Variants in HNF4G observed in about 807,000 individuals in gnomAD.
The protein encoded by HNF4G is hepatocyte nuclear factor 4-gamma.
In HNF4G, 21 loss-of-function variants were observed where a neutral mutation model predicts 50.9. The ratio of observed to expected loss-of-function variants is 0.41; its 90% CI spans 0.29 to 0.59. The LOEUF is 0.59. Ranked by LOEUF, HNF4G falls within the 20% of genes least tolerant of loss-of-function variation. The probability of loss-of-function intolerance (pLI) is 0.26; values close to 1 mark genes in which losing one functional copy is unlikely to be tolerated. For missense variants in HNF4G, 527 were observed against 559.4 expected (o/e 0.94, Z 0.58); for synonymous variants, 198 against 185.6 (o/e 1.07, Z -0.54).
chr8:75,421,551 G>T (rs187783141), intron 1 of HNF4G, among the ~76,000 whole-genome samples: 1 of 152,188 alleles, frequency 6.6e-6, no homozygotes, highest in East Asian at 1.9e-4. Flanking sequence ...GTTGACAGGG[G>T]TTAGTTTACA....
Position 75,449,750 on chromosome 8 carries a change from G to GC in HNF4G, c.-143-40333dup, listed in dbSNP as rs375764237. ...TCTCGATCTCCTGACCTCGTGATCC[G>GC]CCCCCCTTGGCCTCCCAAAGTGCTG... On this transcript the variant is annotated intron_variant, in intron 1 of 10. Coordinates refer to the HNF4G transcript ENST00000354370. Among the ~76,000 whole-genome samples the GC allele has an allele frequency of 7.1e-3, 1,080 of 151,828 alleles. 14 individuals are homozygous for GC. The highest frequency in any genetic ancestry group is 0.025 in the African/African-American group (1,028 of 41,416).
At chr8:75,553,969 T>C (rs143358680) in intron 5 of HNF4G, among the ~76,000 whole-genome samples, 6 of 152,276 alleles carry the variant, frequency 3.9e-5, no homozygotes, top group African/African-American at 1.2e-4. Flanking sequence ...AAGTAGGGTA[T>C]AATTTTTTGT....
intron 2 of HNF4G, among the ~76,000 whole-genome samples, chr8:75,523,088 G>A (rs892755672): frequency 3.3e-5 from 5 of 152,076 alleles, no homozygotes; most frequent in African/African-American, 1.2e-4. Flanking sequence ...AGCCGAGCTT[G>A]GTGGCGGGCA....
At chr8:75,548,761 A>C (rs1264816660) in intron 3 of HNF4G, among the ~76,000 whole-genome samples, 1 of 152,196 alleles carries the variant, frequency 6.6e-6, no homozygotes, top group Non-Finnish European at 1.5e-5. Flanking sequence ...AATCAAATGA[A>C]ACCACTATAC....
chr8:75,560,383 A>G lies in HNF4G; in HGVS notation c.1163A>G (p.His388Arg). 3 of 1,613,388 alleles carry G rather than the reference A, an allele frequency of 1.9e-6. No homozygotes were observed. The highest frequency in any genetic ancestry group is 1.7e-6 in the Non-Finnish European group (2 of 1,179,466). ...NDGSHLHHPM[H>R]PHLSQDPLTG... ...GGCAGTCATCTCCATCATCCAATGCATCCACATTTGTCTCAAGACCCATTA... is the reference window on the plus strand; with the variant it reads ...GGCAGTCATCTCCATCATCCAATGCGTCCACATTTGTCTCAAGACCCATTA... Residue 388 changes from histidine to arginine, a missense_variant, in exon 9 of 10, where the codon CAT (histidine) becomes CGT (arginine). By Grantham distance (29) the His-to-Arg change is conservative (BLOSUM62 0). Transcript: ENST00000396423.
At chr8:75,561,525 C>G (rs1807311475) in intron 9 of HNF4G, among the ~76,000 whole-genome samples, 1 of 152,112 alleles carries the variant, frequency 6.6e-6, no homozygotes, top group Non-Finnish European at 1.5e-5. Context: ...GTTTTCCATG[C>G]CTGAACTGAA....
At chr8:75,503,877 C>T (rs2926589) in intron 2 of HNF4G, among the ~76,000 whole-genome samples, 6,116 of 152,070 alleles carry the variant, frequency 0.04, 157 homozygotes, top group Middle Eastern at 0.068. Flanking sequence ...AGAGGAAGTT[C>T]CAGGTAATCT....
upstream of HNF4G, among the ~76,000 whole-genome samples, chr8:75,537,823 T>G (rs1185781744): frequency 1.3e-5 from 2 of 152,090 alleles, no homozygotes; most frequent in African/African-American, 4.8e-5. Context: ...GTCTTGGTTT[T>G]ACAAACAGTA....
chr8:75,526,214 A>C (rs1585922752), intron 2 of HNF4G, among the ~76,000 whole-genome samples: 1 of 151,330 alleles, frequency 6.6e-6, no homozygotes, highest in South Asian at 2.1e-4. Context: ...CTGAAACCTC[A>C]ATCTCCCAGG....
intron 2 of HNF4G, among the ~76,000 whole-genome samples, chr8:75,501,895 C>G (rs1177118135): frequency 8.3e-6 from 1 of 120,554 alleles, no homozygotes; most frequent in African/African-American, 3.9e-5. Flanking sequence ...CTTTGTTGCC[C>G]AGGCTGGAGT....
chr8:75,424,409 CA>C (rs1201651268), intron 1 of HNF4G, among the ~76,000 whole-genome samples: 1 of 151,716 alleles, frequency 6.6e-6, no homozygotes, highest in African/African-American at 2.4e-5. Context: ...ATTTTTGATT[CA>C]GGGGCCACAT....
intron 1 of HNF4G, among the ~76,000 whole-genome samples, chr8:75,460,653 T>C (rs1330156357): frequency 6.6e-6 from 1 of 152,168 alleles, no homozygotes; most frequent in African/African-American, 2.4e-5. Context: ...AGTATTTACT[T>C]AGGTTCTATT....
At chr8:75,561,323 C>A (rs1807305281) in intron 9 of HNF4G, among the ~76,000 whole-genome samples, 1 of 152,176 alleles carries the variant, frequency 6.6e-6, no homozygotes, top group South Asian at 2.1e-4. Context: ...GCAACATTCC[C>A]ATGGTCAGCT....
intron 1 of HNF4G, among the ~76,000 whole-genome samples, chr8:75,480,816 T>C (rs1049525936): frequency 6.6e-6 from 1 of 151,454 alleles, no homozygotes; most frequent in East Asian, 1.9e-4. Context: ...GTTCAAGTGA[T>C]TCTCTTGCCT....
chr8:75,441,114 C>A (rs568929548), intron 1 of HNF4G, among the ~76,000 whole-genome samples: 1 of 151,984 alleles, frequency 6.6e-6, no homozygotes, highest in Non-Finnish European at 1.5e-5. Flanking sequence ...AAAAATATTG[C>A]GTGGTTCTAT....
At chr8:75,491,235 G>A (rs983067682) in intron 2 of HNF4G, among the ~76,000 whole-genome samples, 1 of 152,048 alleles carries the variant, frequency 6.6e-6, no homozygotes, top group African/African-American at 2.4e-5. Flanking sequence ...GTTAGAACGG[G>A]CATATATTAG....
intron 1 of HNF4G, among the ~76,000 whole-genome samples, chr8:75,477,246 G>C (rs1221106535): frequency 6.6e-6 from 1 of 152,136 alleles, no homozygotes; most frequent in East Asian, 1.9e-4. Context: ...GTTCCCCATG[G>C]TCAGAGCCTA....
At chr8:75,476,959 G>C (rs1812255901) in intron 1 of HNF4G, among the ~76,000 whole-genome samples, 1 of 152,128 alleles carries the variant, frequency 6.6e-6, no homozygotes, top group African/African-American at 2.4e-5. Flanking sequence ...TGAAAACTAA[G>C]TATAAACATT....
At chr8:75,431,368 T>A (rs905307107) in intron 1 of HNF4G, among the ~76,000 whole-genome samples, 11 of 152,280 alleles carry the variant, frequency 7.2e-5, no homozygotes, top group African/African-American at 2.6e-4. Context: ...ACAAAACAAA[T>A]CTTAAGTTAA....
Sources: gnomAD v4.1 joint callset for allele counts (sites outside exome capture counted in the v4.1 genomes callset) on GRCh38, gnomAD v4.1.1 for gene constraint, MANE v1.5 for transcripts, NCBI Gene and HGNC (gene_info 2026-07-23, HGNC 2026-07-21) for gene names.